The following CNR2 variants were observed in gnomAD, a reference collection of about 807,000 sequenced individuals.
The protein encoded by CNR2 is cannabinoid receptor 2 (macrophage).
For synonymous variants in CNR2, 172 were observed against 182.2 expected (o/e 0.94, Z 0.45); for missense variants, 379 against 439.9 (o/e 0.86, Z 1.24).
chr1:23,874,306 C>T lies in CNR2; in HGVS notation c.*229G>A, dbSNP rs1053369699. 19 of 509,840 alleles carry T rather than the reference C, an allele frequency of 3.7e-5. No individual in the cohort carries two copies. The highest frequency in any genetic ancestry group is 2.5e-5 in the Non-Finnish European group (7 of 282,768). The allele number at this position is 509,840 out of a possible 1,614,324, so 31.6% of individuals were successfully genotyped here. A position where few individuals can be genotyped will look rare whatever the true frequency, so the allele number is the denominator to read the frequency against. ...ACCCTGTCCCAGGCCTTTTGTGTCT[C>T]GCCTACCTGGCTACTCCTCGTGGCC... On this transcript the variant is annotated 3_prime_UTR_variant, in exon 2 of 2. Coordinates refer to ENST00000374472, the MANE Select transcript of CNR2 (RefSeq NM_001841.3).
At chr1:23,889,140 T>C (rs1183842412) in intron 1 of CNR2, among the ~76,000 whole-genome samples, 1 of 152,132 alleles carries the variant, frequency 6.6e-6, no homozygotes, top group Non-Finnish European at 1.5e-5. Flanking sequence ...GCCTGGTTCA[T>C]ACTGAGCATC....
At position 23,875,043 on chromosome 1, in the gene CNR2, A is replaced by T. The variant is rs1259208364; in HGVS notation, c.575T>A (p.Leu192Gln). ...GAAGGCGATGAACAGGAGCCAGCTC[A>T]GCAGGTAGTCATTGGGGATCAGTGG... ...LFPLIPNDYLLSWLLFIAFLF... is the reference protein window; with the variant it reads ...LFPLIPNDYLQSWLLFIAFLF... The change falls in exon 2 of 2, where the codon CTG (leucine) becomes CAG (glutamine). Residue 192 changes from leucine to glutamine, a missense_variant. By Grantham distance (113) the Leu-to-Gln change is moderately radical. Transcript: ENST00000374472. The T allele has an allele frequency of 1.9e-6, 3 of 1,607,428 alleles. No homozygotes were observed. The highest frequency in any genetic ancestry group is 2.5e-6 in the Non-Finnish European group (3 of 1,176,976).
chr1:23,901,930 G>A, intron 1 of CNR2: 7 of 1,601,626 alleles, frequency 4.4e-6, no homozygotes, highest in South Asian at 2.2e-5. Flanking sequence ...TCTGCGGGGT[G>A]AGGCCCTTCC....
intron 1 of CNR2, among the ~76,000 whole-genome samples, chr1:23,884,182 C>A (rs536120417): frequency 6.6e-6 from 1 of 151,176 alleles, no homozygotes; most frequent in Non-Finnish European, 1.5e-5. Context: ...CGAGTTAAAG[C>A]GATTCTTGTG....
chr1:23,896,286 T>C (rs1640281293), intron 1 of CNR2, among the ~76,000 whole-genome samples: 1 of 152,238 alleles, frequency 6.6e-6, no homozygotes, highest in Admixed American at 6.5e-5. Flanking sequence ...GTTCCGATCT[T>C]GGCTCTGCCA....
intron 1 of CNR2, among the ~76,000 whole-genome samples, chr1:23,911,697 G>A (rs1219038420): frequency 1.3e-5 from 2 of 152,164 alleles, no homozygotes; most frequent in East Asian, 1.9e-4. Context: ...GGGGGCTGGC[G>A]CTGGAGGGCT....
chr1:23,881,227 A>C (rs1570704007), intron 1 of CNR2, among the ~76,000 whole-genome samples: 2 of 151,850 alleles, frequency 1.3e-5, no homozygotes, highest in East Asian at 3.9e-4. Context: ...AGTGAGCCAA[A>C]ATCACACCAT....
At chr1:23,902,013 C>G (rs2148469405) in intron 1 of CNR2, 4 of 1,604,332 alleles carry the variant, frequency 2.5e-6, no homozygotes, top group Non-Finnish European at 3.4e-6. Context: ...TGGGTCTCCT[C>G]CAGAGTCAGG....
intron 1 of CNR2, among the ~76,000 whole-genome samples, chr1:23,909,816 G>A (rs188917186): frequency 6.6e-6 from 1 of 152,190 alleles, no homozygotes; most frequent in Non-Finnish European, 1.5e-5. Flanking sequence ...AGCCTGCCCT[G>A]CATCTCCATA....
At chr1:23,910,607 T>G (rs1273263546) in intron 1 of CNR2, among the ~76,000 whole-genome samples, 2 of 125,612 alleles carry the variant, frequency 1.6e-5, no homozygotes, top group Non-Finnish European at 3.1e-5. Context: ...TGAGCTGAGA[T>G]TACGCCATTA....
rs2229580 is a variant in CNR2 at position 23,874,619 on chromosome 1, C to T, written c.999G>A (p.Pro333=). The stretch of plus-strand genomic sequence containing the variant: ...CCTCTGTCTCGGTGACTGAGGATCT[C>T]GGGGCTTCTTCTTTTGCCTCTGACC... The part of the protein sequence containing the change: ...GLGSEAKEEA[P]RSSVTETEAD... Residue 333 remains proline, a synonymous_variant, in exon 2 of 2, where the codon CCG becomes CCA. Coordinates refer to ENST00000374472, the MANE Select transcript of CNR2 (RefSeq NM_001841.3). 957,915 of 1,613,664 alleles carry T rather than the reference C, an allele frequency of 0.59. 287,068 individuals are homozygous for T. The highest frequency in any genetic ancestry group is 0.76 in the African/African-American group (56,991 of 74,954).
At chr1:23,889,574 T>G (rs993147842) in intron 1 of CNR2, among the ~76,000 whole-genome samples, 1 of 152,216 alleles carries the variant, frequency 6.6e-6, no homozygotes, top group Non-Finnish European at 1.5e-5. Context: ...TCCTTCCACC[T>G]CAGCCTCCCA....
At position 23,906,527 on chromosome 1, in the gene CNR2, A is replaced by G. The variant is rs527273787; in HGVS notation, c.-46+6719T>C. 8.1e-4 allele frequency among the ~76,000 whole-genome samples: 111 copies of G among 137,808 alleles called. 1 individual carries two copies. In the Middle Eastern group the frequency reaches 0.015, roughly 19 times the overall value. 90.4% of individuals were successfully genotyped at this position (137,808 alleles called of 152,430 possible). On this transcript the variant is annotated intron_variant, in intron 1 of 1. Transcript: ENST00000374472. ...TCTAACTTTTTTTTTTTGTTTTCCTATCTTTCTTTTTTTTCTTTCTTTTTT... is the reference window on the plus strand; with the variant it reads ...TCTAACTTTTTTTTTTTGTTTTCCTGTCTTTCTTTTTTTTCTTTCTTTTTT...
chr1:23,885,036 G>A lies in CNR2; in HGVS notation c.-45-9374C>T, dbSNP rs1290401334. Among the ~76,000 whole-genome samples the A allele has an allele frequency of 3.9e-5, 6 of 151,962 alleles. No homozygotes were observed. The East Asian group carries it at 1.2e-3, about 30-fold the overall frequency. ...ATGCTGGTCTTGAACTCCTGACCTC[G>A]TGATCCACCCACCTCGGCCTCCCAA... On this transcript the variant is annotated intron_variant, in intron 1 of 1. Transcript: ENST00000374472.
intron 1 of CNR2, among the ~76,000 whole-genome samples, chr1:23,909,574 G>A (rs1376685940): frequency 6.6e-6 from 1 of 152,158 alleles, no homozygotes; most frequent in Non-Finnish European, 1.5e-5. Context: ...CATGGAAACA[G>A]GAAGTCACCT....
At chr1:23,911,236 G>A (rs568824955) in intron 1 of CNR2, among the ~76,000 whole-genome samples, 1 of 151,976 alleles carries the variant, frequency 6.6e-6, no homozygotes, top group African/African-American at 2.4e-5. Flanking sequence ...GGCTGGGAGG[G>A]GACCGAGGTC....
intron 1 of CNR2, among the ~76,000 whole-genome samples, chr1:23,886,266 C>A (rs533387803): frequency 6.6e-6 from 1 of 151,274 alleles, no homozygotes; most frequent in South Asian, 2.1e-4. Flanking sequence ...TACAACCCAA[C>A]GACTTTAAAA....
At chr1:23,911,727 T>C (rs1392668967) in intron 1 of CNR2, among the ~76,000 whole-genome samples, 4 of 152,170 alleles carry the variant, frequency 2.6e-5, no homozygotes, top group Admixed American at 2.0e-4. Flanking sequence ...TGAGCCAGGC[T>C]GCCATTTTCC....
intron 1 of CNR2, among the ~76,000 whole-genome samples, chr1:23,897,083 C>T (rs934337128): frequency 1.3e-5 from 2 of 152,078 alleles, no homozygotes; most frequent in African/African-American, 4.8e-5. Flanking sequence ...CTATTTTGGC[C>T]AGGCTGGTTT....
Sources: gnomAD v4.1 joint callset for allele counts (sites outside exome capture counted in the v4.1 genomes callset) on GRCh38, gnomAD v4.1.1 for gene constraint, MANE v1.5 for transcripts, NCBI Gene and HGNC (gene_info 2026-07-23, HGNC 2026-07-21) for gene names.